The following DHRS12 variants were observed in gnomAD, a reference collection of about 807,000 sequenced individuals.
DHRS12 encodes the protein dehydrogenase/reductase 12.
Under a neutral mutation model 32.1 loss-of-function variants are expected in DHRS12, and 29 were observed. That is an observed-to-expected ratio of 0.90 (90% CI 0.67 to 1.23). DHRS12 has a LOEUF of 1.23. DHRS12 is among the 50% of genes most tolerant of loss of function. The pLI is 0.00. For missense variants in DHRS12, 330 were observed against 337.2 expected (o/e 0.98, Z 0.17); for synonymous variants, 150 against 135.9 (o/e 1.10, Z -0.72).
At chr13:51,773,822 T>A (rs537328420) in intron 6 of DHRS12, 108 bp downstream of exon 6, 2 of 903,626 alleles carry the variant, frequency 2.2e-6, no homozygotes, top group South Asian at 3.0e-5. Context: ...AGGTGCTGCA[T>A]GAACTACTAA....
chr13:51,755,336 G>C, the DHRS12 span: 2 of 1,612,448 alleles, frequency 1.2e-6, no homozygotes, highest in Non-Finnish European at 1.7e-6. Context: ...ACAGTGACCT[G>C]TTCTGTGCTT....
At chr13:51,774,216 T>C in intron 5 of DHRS12, 182 bp from the exon 6 acceptor site, 1 of 585,684 alleles carries the variant, frequency 1.7e-6, no homozygotes, top group Non-Finnish European at 3.0e-6. Flanking sequence ...ACATGTATTC[T>C]CCTACAGTAC....
chr13:51,776,298 C>G (rs901609306), intron 5 of DHRS12: 4 of 152,182 alleles, frequency 2.6e-5, no homozygotes, highest in Non-Finnish European at 5.9e-5. Flanking sequence ...CTGCCGGTCT[C>G]AGAGGAGACT....
the DHRS12 span, chr13:51,760,980 G>C: frequency 2.0e-5 from 3 of 152,212 alleles, no homozygotes; most frequent in Non-Finnish European, 4.4e-5. Context: ...GTGTCTTTAA[G>C]TTGTGTTTTT....
At chr13:51,787,797 T>TATACA (rs373470056) in intron 4 of DHRS12, among the ~76,000 whole-genome samples, 25 of 125,966 alleles carry the variant, frequency 2.0e-4, no homozygotes, top group Non-Finnish European at 3.8e-4. Flanking sequence ...AATATATTAA[T>TATACA]ATATATTTAT....
the DHRS12 span, chr13:51,756,399 T>C: frequency 1.2e-6 from 2 of 1,614,060 alleles, no homozygotes; most frequent in Non-Finnish European, 1.7e-6. Context: ...TCCATCCCCC[T>C]GATGGGCTTC....
chr13:51,768,104 G>C lies in DHRS12; in HGVS notation c.*83C>G. The C allele has an allele frequency of 6.6e-7, 1 of 1,508,902 alleles. No homozygotes were observed. Among genetic ancestry groups the C allele is most frequent in the Middle Eastern group, 1.7e-4 (1 of 5,852 alleles). 93.5% of individuals were successfully genotyped at this position (1,508,902 alleles called of 1,614,324 possible). On this transcript the variant is annotated 3_prime_UTR_variant, in exon 9 of 9. Transcript: ENST00000444610. Reference sequence around the variant, plus strand: ...CGTCTTCGAGGGGAAGTTGAAGTGGGGTCTTCTTATTCACTGGTCCCTAGA... The same window carrying C: ...CGTCTTCGAGGGGAAGTTGAAGTGGCGTCTTCTTATTCACTGGTCCCTAGA...
chr13:51,797,702 C>T (rs1047130554), intron 2 of DHRS12: 2 of 1,010,494 alleles, frequency 2.0e-6, no homozygotes. Flanking sequence ...GCCGAGGCTG[C>T]TTCCAAAGCA....
Position 51,777,096 on chromosome 13 carries a change from C to A in DHRS12, c.327G>T (p.Leu109=). 1.2e-6 allele frequency: 2 copies of A among 1,613,988 alleles called. No individual in the cohort carries two copies. The highest frequency in any genetic ancestry group is 1.7e-6 in the Non-Finnish European group (2 of 1,180,034). Residue 109 remains leucine (L), a synonymous_variant, in exon 5 of 9, where the codon CTG becomes CTT. Coordinates refer to ENST00000444610, the MANE Select transcript of DHRS12 (RefSeq NM_001377533.1). ...CGTGTTCTTTCTCCAGCACAGGGAT[C>A]AGGCCGGTCGTGAGAATGTACACAC... is the stretch of plus-strand genomic sequence containing the variant. ...TLGVYILTTG[L]IPVLEKEHDP... is the part of the protein sequence containing the mutation.
At chr13:51,784,813 TACC>T (rs1390526096) in intron 4 of DHRS12, among the ~76,000 whole-genome samples, 1 of 152,242 alleles carries the variant, frequency 6.6e-6, no homozygotes, top group African/African-American at 2.4e-5. Flanking sequence ...AACAGAGTTT[TACC>T]ACATGATTAC....
Position 51,788,544 on chromosome 13 carries a change from C to T in DHRS12, c.301+1467G>A, listed in dbSNP as rs866269771. Among the ~76,000 whole-genome samples, 10 of 152,076 alleles carry T rather than the reference C, an allele frequency of 6.6e-5. No homozygotes were observed. In the East Asian group the frequency reaches 7.7e-4, roughly 12 times the overall value. On this transcript the variant is annotated intron_variant, in intron 4 of 8. Coordinates refer to ENST00000444610, the MANE Select transcript of DHRS12 (RefSeq NM_001377533.1). Reference sequence around the variant, plus strand: ...TTCCATCTGCCAGGGAGATGGAGCACGTTTCCACAGTAAATTTAGCCTGGG... The same window carrying T: ...TTCCATCTGCCAGGGAGATGGAGCATGTTTCCACAGTAAATTTAGCCTGGG...
chr13:51,798,017 T>C, intron 2 of DHRS12: 3 of 1,109,424 alleles, frequency 2.7e-6, no homozygotes, highest in Admixed American at 2.1e-5. Context: ...ACTCTTCTGT[T>C]AAGCCTAGAT....
chr13:51,762,500 G>A, the DHRS12 span: 1 of 152,208 alleles, frequency 6.6e-6, no homozygotes, highest in South Asian at 2.1e-4. Context: ...GGTGAAATGC[G>A]TTTAGCAAAC....
rs532467541 is a variant in DHRS12 at position 51,785,351 on chromosome 13, AAAAC to A, written c.301+4656_301+4659del. On this transcript the variant is annotated intron_variant, in intron 4 of 8. Coordinates refer to ENST00000444610, the MANE Select transcript of DHRS12 (RefSeq NM_001377533.1). ...TTCAAAGAATTGGAATGTAAAAAAAAAAACAAACCCTTGTGGCAGATTATTGTTC... is the reference window on the plus strand; with the variant it reads ...TTCAAAGAATTGGAATGTAAAAAAAAAAACCCTTGTGGCAGATTATTGTTC... Among the ~76,000 whole-genome samples the A allele has an allele frequency of 3.4e-3, 513 of 152,292 alleles. 9 individuals are homozygous for A. Among genetic ancestry groups the A allele is most frequent in the Non-Finnish European group, 9.0e-4 (61 of 68,016 alleles).
chr13:51,759,861 GAAGT>G, the DHRS12 span: 1 of 1,401,308 alleles, frequency 7.1e-7, no homozygotes, highest in Non-Finnish European at 1.0e-6. Context: ...AGACATGTGA[GAAGT>G]AAGAAAGAAA....
intron 8 of DHRS12, 40 bp downstream of exon 8, chr13:51,769,116 G>C (rs920989315): frequency 1.1e-5 from 17 of 1,548,406 alleles, no homozygotes; most frequent in Non-Finnish European, 1.4e-5. Flanking sequence ...GCTGCCCCTA[G>C]CCCTGTGTCA....
At chr13:51,755,104 C>G in the DHRS12 span, among the ~76,000 whole-genome samples, 4 of 152,166 alleles carry the variant, frequency 2.6e-5, no homozygotes, top group South Asian at 8.3e-4. Context: ...GGCCTTCACA[C>G]ACTTATGCTT....
downstream of DHRS12, chr13:51,764,419 G>T (rs80008756): frequency 0.013 from 2,064 of 152,926 alleles, 22 homozygotes; most frequent in Non-Finnish European, 0.021. Flanking sequence ...GGGAAAAATG[G>T]AAATGACTTT....
chr13:51,803,911 G>A (rs1414306709), intron 1 of DHRS12, 143 bp downstream of exon 1: 5 of 726,014 alleles, frequency 6.9e-6, no homozygotes, highest in Non-Finnish European at 1.9e-6. Context: ...TAGACGGCGG[G>A]CGCACCCGTC....
Sources: gnomAD v4.1 joint callset for allele counts (sites outside exome capture counted in the v4.1 genomes callset) on GRCh38, gnomAD v4.1.1 for gene constraint, MANE v1.5 for transcripts, NCBI Gene and HGNC (gene_info 2026-07-23, HGNC 2026-07-21) for gene names.